SREBF1: variants seen among roughly 807,000 people sequenced by gnomAD.
SREBF1 encodes sterol regulatory element binding transcription factor 1.
SREBF1 carries 45 observed loss-of-function variants against 100.1 expected under a neutral mutation model. The observed-to-expected ratio is 0.45, with a 90% confidence interval of 0.35 to 0.58. The LOEUF (loss-of-function observed/expected upper bound fraction) is 0.58. Ranked by LOEUF, SREBF1 falls within the 20% of genes least tolerant of loss-of-function variation. The pLI is 0.00. For missense variants in SREBF1, 1,324 were observed against 1,539.4 expected, an observed-to-expected ratio of 0.86 and a Z score of 2.34; for synonymous variants, 657 against 681.8, an observed-to-expected ratio of 0.96 and a Z score of 0.57.
chr17:17,829,310 G>T (rs1567990166), intron 1 of SREBF1, among the ~76,000 whole-genome samples: 1 of 145,916 alleles, frequency 6.9e-6, no homozygotes, highest in African/African-American at 2.6e-5. Flanking sequence ...CTCTTGAGTT[G>T]TTTCTCTGCA....
At chr17:17,814,171 G>C (rs2033280673) in intron 16 of SREBF1, 74 bp downstream of exon 16, 1 of 1,505,502 alleles carries the variant, frequency 6.6e-7, no homozygotes, top group African/African-American at 1.4e-5. Context: ...CAGCCCCTGG[G>C]GGCTGGGGAG....
At position 17,819,367 on chromosome 17, in the gene SREBF1, G is replaced by C. The variant is rs13306744; in HGVS notation, c.799C>G (p.Leu267Val). ...TDGATVKAAG[L>V]SPLVSGTTVQ... ...GTGGTGCCAGAGACCAGGGGACTGA[G>C]ACCTGCCGCCTTCACAGTGGCTCCG... Residue 267 changes from leucine to valine, a missense_variant, in exon 4 of 19, where the codon CTC (leucine) becomes GTC (valine). Leu to Val is a conservative substitution (Grantham distance 32). Transcript: ENST00000261646. 1.9e-6 allele frequency: 3 copies of C among 1,613,852 alleles called. No homozygotes were observed. The East Asian group carries it at 6.7e-5, about 36-fold the overall frequency.
rs1410458701 is a variant in SREBF1 at position 17,811,779 on chromosome 17, A to G, written c.*843T>C. The stretch of plus-strand genomic sequence containing the variant: ...GTCAGTCCATCCTCCCGTGCCACCC[A>G]GGGACCTGATGGGGACAGAGCTGGG... On this transcript the variant is annotated 3_prime_UTR_variant, in exon 19 of 19. Coordinates refer to ENST00000261646, the MANE Select transcript of SREBF1 (RefSeq NM_004176.5). 2.2e-6 allele frequency: 1 copy of G among 455,004 alleles called. No individual in the cohort carries two copies. The highest frequency in any genetic ancestry group is 2.0e-5 in the African/African-American group (1 of 49,996). The allele number at this position is 455,004 out of a possible 1,614,324, so 28.2% of individuals were successfully genotyped here.
chr17:17,814,932 A>G lies in SREBF1; in HGVS notation c.2505T>C (p.Asp835=). ...GSADGDKEFS[D]ALGYLQLLNS... is the part of the protein sequence containing the mutation. ...TCAGCAGCTGCAGGTACCCGAGGGCATCCGAGAATTCCCTGTGGAAGGAGA... is the reference window on the plus strand; with the variant it reads ...TCAGCAGCTGCAGGTACCCGAGGGCGTCCGAGAATTCCCTGTGGAAGGAGA... The change falls in exon 14 of 19, where the codon GAT becomes GAC. Residue 835 remains aspartate, a synonymous_variant. Coordinates refer to ENST00000261646, the MANE Select transcript of SREBF1 (RefSeq NM_004176.5). The G allele has an allele frequency of 6.4e-7, 1 of 1,567,512 alleles. No individual in the cohort carries two copies. The highest frequency in any genetic ancestry group is 1.2e-5 in the South Asian group (1 of 85,626).
rs1252986789 is a variant in SREBF1, at chr17:17,816,367, T to G, written c.2054A>C (p.His685Pro). The change falls in exon 11 of 19, where the codon CAC (histidine) becomes CCC (proline). Residue 685 changes from histidine to proline, a missense_variant. Physicochemically the swap from His to Pro is moderately conservative, Grantham distance 77 (BLOSUM62 -2). Coordinates refer to ENST00000261646, the MANE Select transcript of SREBF1 (RefSeq NM_004176.5). ...KLHQLHTMGK[H>P]TGGHLTATNL... ...GGTGGCAGTGAGGTGCCCGCCTGTG[T>G]GCTTCCCTGGAAGGCAAGCAGGCAT... The G allele has an allele frequency of 6.3e-7, 1 of 1,588,196 alleles. No individual in the cohort carries two copies. The highest frequency in any genetic ancestry group is 8.6e-7 in the Non-Finnish European group (1 of 1,169,214).
chr17:17,812,982 G>T, intron 18 of SREBF1, 131 bp from the exon 19 acceptor site: 1 of 827,146 alleles, frequency 1.2e-6, no homozygotes, highest in Non-Finnish European at 1.8e-6. Context: ...GGCCTGGCGG[G>T]TTCCCCTCTC....
intron 1 of SREBF1, among the ~76,000 whole-genome samples, chr17:17,834,103 G>GT (rs1489195790): frequency 1.3e-5 from 2 of 151,784 alleles, no homozygotes; most frequent in African/African-American, 4.8e-5. Flanking sequence ...TAGGTTTAAA[G>GT]TTTTTTTTGA....
Position 17,814,830 on chromosome 17 carries a change from C to T in SREBF1, c.2602+5G>A. On this transcript the variant is annotated splice_donor_5th_base_variant and intron_variant, in intron 14 of 18. Transcript: ENST00000261646. ...AGGGAGCCAGGACAGGGGCCGGGGA[C>T]TCACCGGTGGTGGTGGCCATGCTGG... The T allele has an allele frequency of 6.3e-7, 1 of 1,599,364 alleles. No individual in the cohort carries two copies. Among genetic ancestry groups the T allele is most frequent in the South Asian group, 1.1e-5 (1 of 89,040 alleles).
At chr17:17,813,038 C>A (rs1340450984) in intron 18 of SREBF1, 187 bp from the exon 19 acceptor site, 5 of 613,274 alleles carry the variant, frequency 8.2e-6, no homozygotes, top group Non-Finnish European at 1.4e-5. Flanking sequence ...GACTGAGTCA[C>A]GCACGTGCAG....
intron 18 of SREBF1, 179 bp from the exon 19 acceptor site, chr17:17,813,030 CTG>C: frequency 3.2e-6 from 2 of 619,690 alleles, no homozygotes; most frequent in South Asian, 2.0e-5. Flanking sequence ...AGTCCACAGA[CTG>C]AGTCACGCAC....
rs1163673463 is a variant in SREBF1 at position 17,815,792 on chromosome 17, C to T, written c.2383+68G>A. On this transcript the variant is annotated intron_variant, in intron 12 of 18. Transcript: ENST00000261646. ...GGCCAGAGACAGCCAGAGATTCAGG[C>T]GACAAGGGACAGGACAGGAATGAGG... 9 of 1,512,158 alleles carry T rather than the reference C, an allele frequency of 6.0e-6. No individual in the cohort carries two copies. The East Asian group carries it at 7.1e-5, about 12-fold the overall frequency. The allele number at this position is 1,512,158 out of a possible 1,614,324, so 93.7% of individuals were successfully genotyped here.
chr17:17,833,420 C>CAAAAAAAAAA (rs56369932), intron 1 of SREBF1, among the ~76,000 whole-genome samples: 3 of 51,082 alleles, frequency 5.9e-5, no homozygotes, highest in Non-Finnish European at 9.1e-5. Flanking sequence ...GACTCCGTCT[C>CAAAAAAAAAA]AAAAAAAAAA....
At chr17:17,827,629 G>A (rs993784469) in intron 1 of SREBF1, among the ~76,000 whole-genome samples, 6 of 152,130 alleles carry the variant, frequency 3.9e-5, no homozygotes, top group Non-Finnish European at 5.9e-5. Flanking sequence ...GGAATGGGAC[G>A]CACCCATGGC....
rs375278694 is a variant in SREBF1, at chr17:17,819,260, G to C, written c.847-26C>G. ...CTGCAGGGCCAGGCACATGTTACCAGGTGGGCATGTGTGTGTGTGTGTAGA... is the reference window on the plus strand; with the variant it reads ...CTGCAGGGCCAGGCACATGTTACCACGTGGGCATGTGTGTGTGTGTGTAGA... On this transcript the variant is annotated intron_variant, in intron 4 of 18. Transcript: ENST00000261646. The C allele has an allele frequency of 1.7e-5, 28 of 1,613,636 alleles. No homozygotes were observed. The African/African-American group carries it at 3.2e-4, about 18-fold the overall frequency.
intron 1 of SREBF1, chr17:17,823,481 T>A: frequency 7.1e-7 from 1 of 1,413,316 alleles, no homozygotes; most frequent in Non-Finnish European, 1.0e-6. Context: ...GACGGAGGCA[T>A]TGTATAAAGG....
rs372841919 is a variant in SREBF1, at chr17:17,814,672, G to T, written c.2678C>A (p.Ala893Glu). The T allele has an allele frequency of 1.9e-6, 3 of 1,577,198 alleles. No individual in the cohort carries two copies. The highest frequency in any genetic ancestry group is 1.1e-5 in the South Asian group (1 of 87,388). Residue 893 changes from alanine to glutamate, a missense_variant, in exon 15 of 19, where the codon GCG (alanine) becomes GAG (glutamate). Transcript: ENST00000261646. ...VIHWLRRDEE[A>E]AERLCPLVEH... ...CACCAGCGGGCACAGCCGCTCAGCCGCCTCCTCATCCCGCCGCAGCCAGTG... is the reference window on the plus strand; with the variant it reads ...CACCAGCGGGCACAGCCGCTCAGCCTCCTCCTCATCCCGCCGCAGCCAGTG...
chr17:17,830,804 A>C (rs1370275897), intron 1 of SREBF1, among the ~76,000 whole-genome samples: 1 of 151,822 alleles, frequency 6.6e-6, no homozygotes, highest in Non-Finnish European at 1.5e-5. Context: ...GGCTTTCCCC[A>C]CCTCACCCCC....
intron 5 of SREBF1, chr17:17,818,754 G>T (rs1255919485): frequency 1.7e-6 from 1 of 588,322 alleles, no homozygotes. Context: ...CCACCAGAAG[G>T]TCGGCTCTTC....
rs1267640348 is a variant in SREBF1 at position 17,824,306 on chromosome 17, C to T, written c.92-3785G>A. Among the ~76,000 whole-genome samples the T allele has an allele frequency of 1.3e-5, 2 of 152,214 alleles. No individual in the cohort carries two copies. Among genetic ancestry groups the T allele is most frequent in the Non-Finnish European group, 2.9e-5 (2 of 68,034 alleles). The stretch of plus-strand genomic sequence containing the variant: ...TCTGGGATGAGGCCACTCCTGAAAA[C>T]AGGTCACTTCCGGGAAACTGAGGCC... On this transcript the variant is annotated intron_variant, in intron 1 of 18. Transcript: ENST00000261646. This position sits in a 1 kb window ranked among gnomAD's most constrained non-coding sequence, Gnocchi z 4.2.
Sources: gnomAD v4.1 joint callset for allele counts (sites outside exome capture counted in the v4.1 genomes callset) on GRCh38, gnomAD v4.1.1 for gene constraint, Gnocchi (gnomAD v3.1) non-coding constraint, MANE v1.5 for transcripts, NCBI Gene and HGNC (gene_info 2026-07-23, HGNC 2026-07-21) for gene names.